PRKN: variants seen among roughly 807,000 people sequenced by gnomAD.
PRKN encodes E3 ubiquitin-protein ligase parkin.
Under a neutral mutation model 59.5 loss-of-function variants are expected in PRKN, and 56 were observed. The ratio of observed to expected loss-of-function variants is 0.94; its 90% CI spans 0.76 to 1.18. The LOEUF (loss-of-function observed/expected upper bound fraction) is 1.18. Ranked by LOEUF, PRKN falls within the 50% of genes most tolerant of loss-of-function variation. The pLI is 0.00. For synonymous variants in PRKN, 250 were observed against 222.1 expected (o/e 1.13, Z -1.12); for missense variants, 657 against 596.4 (o/e 1.10, Z -1.06).
intron 7 of PRKN, among the ~76,000 whole-genome samples, chr6:161,676,793 C>T (rs903930943): frequency 6.6e-6 from 1 of 152,092 alleles, no homozygotes; most frequent in Non-Finnish European, 1.5e-5. Flanking sequence ...GTGAGACATG[C>T]TGATTGAATT....
intron 1 of PRKN, among the ~76,000 whole-genome samples, chr6:162,548,102 C>T (rs1034256617): frequency 2.6e-5 from 4 of 152,126 alleles, no homozygotes; most frequent in Non-Finnish European, 5.9e-5. Context: ...GCTCTGTCAC[C>T]AGGCTCGTGT....
chr6:161,918,911 C>G (rs912950979), intron 6 of PRKN, among the ~76,000 whole-genome samples: 1 of 152,216 alleles, frequency 6.6e-6, no homozygotes, highest in South Asian at 2.1e-4. Context: ...CCAACACCCC[C>G]GCTCCCCACC....
At chr6:162,322,947 C>A (rs1022522125) in intron 2 of PRKN, among the ~76,000 whole-genome samples, 1 of 151,526 alleles carries the variant, frequency 6.6e-6, no homozygotes, top group Non-Finnish European at 1.5e-5. Context: ...TGGAAATCAT[C>A]ATTCTCAGTA....
chr6:161,891,842 A>C (rs1380108803), intron 6 of PRKN, among the ~76,000 whole-genome samples: 2 of 152,202 alleles, frequency 1.3e-5, no homozygotes, highest in African/African-American at 2.4e-5. Flanking sequence ...AGAAAAGCAA[A>C]TATGTAGGTT....
intron 7 of PRKN, among the ~76,000 whole-genome samples, chr6:161,779,825 C>A (rs1790129000): frequency 6.6e-6 from 1 of 151,948 alleles, no homozygotes; most frequent in Non-Finnish European, 1.5e-5. Context: ...CAAGGCAAAG[C>A]CAAATAAACC....
chr6:162,725,896 A>T (rs1779149676), intron 1 of PRKN, among the ~76,000 whole-genome samples: 1 of 152,136 alleles, frequency 6.6e-6, no homozygotes, highest in Non-Finnish European at 1.5e-5. Flanking sequence ...GCAGGCATGG[A>T]TTTAATCATT....
At chr6:161,941,554 A>C (rs2128243191) in intron 6 of PRKN, among the ~76,000 whole-genome samples, 1 of 152,360 alleles carries the variant, frequency 6.6e-6, no homozygotes, top group East Asian at 1.9e-4. Context: ...ACCCTGGGAT[A>C]GAGAAAGTCC....
intron 2 of PRKN, among the ~76,000 whole-genome samples, chr6:162,374,477 T>C (rs1417490995): frequency 6.6e-6 from 1 of 151,950 alleles, no homozygotes; most frequent in East Asian, 1.9e-4. Context: ...GGTTGGAGCC[T>C]AGTACATGAG....
chr6:162,050,890 C>T (rs149732071), intron 5 of PRKN, among the ~76,000 whole-genome samples: 2 of 152,194 alleles, frequency 1.3e-5, no homozygotes, highest in African/African-American at 4.8e-5. Context: ...AGCAAGGACT[C>T]GAATCCAGCC....
At chr6:162,013,322 T>C (rs1005015122) in intron 5 of PRKN, among the ~76,000 whole-genome samples, 1 of 152,106 alleles carries the variant, frequency 6.6e-6, no homozygotes, top group African/African-American at 2.4e-5. Flanking sequence ...TCCCTTGTCT[T>C]TTGGATACGT....
At position 162,224,427 on chromosome 6, in the gene PRKN, G is replaced by C. The variant is rs1029232161; in HGVS notation, c.413-23175C>G. Among the ~76,000 whole-genome samples the C allele has an allele frequency of 2.0e-5, 3 of 152,222 alleles. No homozygotes were observed. The East Asian group carries it at 5.8e-4, about 29-fold the overall frequency. ...GGTGTGTGCGAGGCTATACCATGCAGGTCTGTGTAAGTCCACTCCATGATG... is the reference window on the plus strand; with the variant it reads ...GGTGTGTGCGAGGCTATACCATGCACGTCTGTGTAAGTCCACTCCATGATG... On this transcript the variant is annotated intron_variant, in intron 3 of 11. Transcript: ENST00000366898.
chr6:161,874,189 TATATA>T lies in PRKN; in HGVS notation c.735-88286_735-88282del, dbSNP rs1562354169. Among the ~76,000 whole-genome samples the T allele has an allele frequency of 3.1e-3, 113 of 36,216 alleles. 22 individuals are homozygous for T. The highest frequency in any genetic ancestry group is 0.012 in the African/African-American group (105 of 9,070). 23.8% of individuals were successfully genotyped at this position (36,216 alleles called of 152,430 possible). A position where few individuals can be genotyped will look rare whatever the true frequency, so the allele number is the denominator to read the frequency against. ...AATATATAATATATATTATATATAA[TATATA>T]ATATATATTATATGTAAAATATAAT... is the stretch of plus-strand genomic sequence containing the variant. On this transcript the variant is annotated intron_variant, in intron 6 of 11. Coordinates refer to ENST00000366898, the MANE Select transcript of PRKN (RefSeq NM_004562.3).
intron 1 of PRKN, among the ~76,000 whole-genome samples, chr6:162,561,045 T>C (rs1779817711): frequency 6.6e-6 from 1 of 152,192 alleles, no homozygotes; most frequent in Admixed American, 6.6e-5. Context: ...AAAGACGATT[T>C]GCAGCCTAGG....
intron 6 of PRKN, among the ~76,000 whole-genome samples, chr6:161,904,990 G>A (rs1659123100): frequency 6.6e-6 from 1 of 152,054 alleles, no homozygotes. Flanking sequence ...CTCTTACACG[G>A]ACTTAAATTT....
intron 6 of PRKN, among the ~76,000 whole-genome samples, chr6:161,789,894 C>T (rs1202680214): frequency 6.6e-6 from 1 of 150,504 alleles, no homozygotes; most frequent in African/African-American, 2.5e-5. Context: ...AATTTCTCTG[C>T]TCTCATTTAC....
intron 1 of PRKN, among the ~76,000 whole-genome samples, chr6:162,518,757 A>G (rs1350758395): frequency 6.6e-6 from 1 of 152,206 alleles, no homozygotes. Flanking sequence ...CACAAGACAT[A>G]GACATGTAAG....
rs530628746 is a variant in PRKN, at chr6:162,576,040, T to C, written c.8-132567A>G. Among the ~76,000 whole-genome samples the C allele has an allele frequency of 4.6e-5, 7 of 152,312 alleles. No individual in the cohort carries two copies. The East Asian group carries it at 1.4e-3, about 29-fold the overall frequency. ...GGTTTATAATGAAGTTCAATCTCCC[T>C]GTAAGGTTTAGGAGACCACGCATGG... On this transcript the variant is annotated intron_variant, in intron 1 of 11. Coordinates refer to ENST00000366898, the MANE Select transcript of PRKN (RefSeq NM_004562.3).
chr6:161,427,613 A>G (rs1788438236), intron 9 of PRKN, among the ~76,000 whole-genome samples: 1 of 152,198 alleles, frequency 6.6e-6, no homozygotes, highest in Non-Finnish European at 1.5e-5. Context: ...TGTGAAAGTG[A>G]AACACAATTG....
intron 9 of PRKN, among the ~76,000 whole-genome samples, chr6:161,432,424 G>A (rs777249652): frequency 5.0e-5 from 7 of 140,736 alleles, no homozygotes; most frequent in East Asian, 2.1e-4. Context: ...GTTTAATGGC[G>A]CCATCTTGGC....
Sources: gnomAD v4.1 joint callset for allele counts (sites outside exome capture counted in the v4.1 genomes callset) on GRCh38, gnomAD v4.1.1 for gene constraint, MANE v1.5 for transcripts, NCBI Gene and HGNC (gene_info 2026-07-23, HGNC 2026-07-21) for gene names.